DNM3: variants seen among roughly 807,000 people sequenced by gnomAD.
The protein encoded by DNM3 is dynamin 3, also known as dynamin-3.
In DNM3, 47 loss-of-function variants were observed where a neutral mutation model predicts 101.6. The ratio of observed to expected loss-of-function variants is 0.46; its 90% CI spans 0.37 to 0.59. The LOEUF (loss-of-function observed/expected upper bound fraction) is 0.59. Among genes scored for constraint, DNM3 ranks in the 20% least tolerant of loss-of-function variants. The pLI is 0.00. For missense variants in DNM3, 849 were observed against 1,085.7 expected (o/e 0.78, Z 3.06); for synonymous variants, 385 against 387.9 (o/e 0.99, Z 0.09).
chr1:172,342,172 A>T (rs1483079858), intron 17 of DNM3, among the ~76,000 whole-genome samples: 2 of 152,234 alleles, frequency 1.3e-5, no homozygotes, highest in Non-Finnish European at 1.5e-5. Context: ...AATGTAAATT[A>T]GTTCAACCAT....
rs1234193701 is a variant in DNM3, at chr1:172,395,720, T to C, written c.2522+6911T>C. ...GACATTGAAATCCTTTAGCTTACCATTGCCAATGTATTGTAAGTGTTGTCG... is the reference window on the plus strand; with the variant it reads ...GACATTGAAATCCTTTAGCTTACCACTGCCAATGTATTGTAAGTGTTGTCG... On this transcript the variant is annotated intron_variant, in intron 20 of 20. Transcript: ENST00000627582. Among the ~76,000 whole-genome samples the C allele has an allele frequency of 3.9e-5, 6 of 152,346 alleles. No individual in the cohort carries two copies. In the South Asian group the frequency reaches 1.2e-3, roughly 32 times the overall value.
At chr1:172,190,774 G>T (rs2059689003) in intron 14 of DNM3, among the ~76,000 whole-genome samples, 1 of 152,190 alleles carries the variant, frequency 6.6e-6, no homozygotes, top group Admixed American at 6.5e-5. Context: ...CAGTGATGAT[G>T]AGCATTTTTT....
chr1:172,087,342 C>T (rs1034533485), intron 12 of DNM3, among the ~76,000 whole-genome samples: 7 of 152,104 alleles, frequency 4.6e-5, no homozygotes, highest in African/African-American at 1.7e-4. Flanking sequence ...CTGCATTATT[C>T]CTAATGGATC....
intron 4 of DNM3, among the ~76,000 whole-genome samples, chr1:171,996,429 G>C (rs2046000163): frequency 2.6e-5 from 4 of 152,034 alleles, no homozygotes; most frequent in Non-Finnish European, 5.9e-5. Flanking sequence ...AGTTTTTCTA[G>C]GTAATATATA....
chr1:172,192,377 T>C (rs2059762095), intron 14 of DNM3, among the ~76,000 whole-genome samples: 2 of 151,894 alleles, frequency 1.3e-5, no homozygotes, highest in African/African-American at 2.4e-5. Context: ...CTTTTTTTTT[T>C]TTTCTTTTAT....
intron 15 of DNM3, among the ~76,000 whole-genome samples, chr1:172,303,752 A>G (rs1463304298): frequency 1.3e-5 from 2 of 152,346 alleles, no homozygotes; most frequent in East Asian, 3.9e-4. Flanking sequence ...AGAATTTTCA[A>G]CCCAGAATTT....
At chr1:171,853,755 C>G (rs1291643057) in intron 1 of DNM3, among the ~76,000 whole-genome samples, 1 of 152,172 alleles carries the variant, frequency 6.6e-6, no homozygotes, top group Admixed American at 6.5e-5. Flanking sequence ...CTCACTCTCT[C>G]CATTTCTTAT....
At chr1:172,355,775 G>A (rs12117159) in intron 17 of DNM3, among the ~76,000 whole-genome samples, 4 of 152,070 alleles carry the variant, frequency 2.6e-5, no homozygotes, top group Admixed American at 2.6e-4. Flanking sequence ...AGGACACGAA[G>A]GACAGGCTGT....
intron 4 of DNM3, among the ~76,000 whole-genome samples, chr1:172,020,870 TC>T (rs2047805419): frequency 6.6e-6 from 1 of 152,126 alleles, no homozygotes; most frequent in African/African-American, 2.4e-5. Flanking sequence ...AAAACTCAGG[TC>T]CCTGAAGCTC....
intron 14 of DNM3, among the ~76,000 whole-genome samples, chr1:172,217,952 T>C: frequency 6.6e-6 from 1 of 152,206 alleles, no homozygotes; most frequent in East Asian, 1.9e-4. Flanking sequence ...AATAACATTC[T>C]ATATTTGTTC....
intron 14 of DNM3, among the ~76,000 whole-genome samples, chr1:172,195,597 C>G (rs541485892): frequency 1.3e-5 from 2 of 151,768 alleles, no homozygotes; most frequent in South Asian, 4.2e-4. Flanking sequence ...AAGAAGTTCC[C>G]TTCTATTCTT....
intron 2 of DNM3, among the ~76,000 whole-genome samples, chr1:171,958,760 G>A (rs577836116): frequency 2.9e-4 from 44 of 152,214 alleles, no homozygotes; most frequent in African/African-American, 9.9e-4. Context: ...TGGGGAGGGG[G>A]AGATCAATAA....
intron 10 of DNM3, among the ~76,000 whole-genome samples, chr1:172,064,607 T>C (rs1318375265): frequency 2.0e-5 from 3 of 152,122 alleles, no homozygotes; most frequent in Non-Finnish European, 4.4e-5. Context: ...TAGGACTTTA[T>C]TTTTTAACCT....
chr1:171,965,936 G>A (rs1320117357), intron 2 of DNM3, among the ~76,000 whole-genome samples: 2 of 151,636 alleles, frequency 1.3e-5, no homozygotes, highest in African/African-American at 2.4e-5. Context: ...GTAAACTTAG[G>A]TATGGTTGAA....
At chr1:172,040,495 T>G (rs1185564878) in intron 7 of DNM3, among the ~76,000 whole-genome samples, 1 of 151,868 alleles carries the variant, frequency 6.6e-6, no homozygotes, top group Non-Finnish European at 1.5e-5. Flanking sequence ...TTTTTCGTGT[T>G]TCTTTCTTTC....
At chr1:172,159,568 T>G (rs1374607664) in intron 14 of DNM3, among the ~76,000 whole-genome samples, 1 of 152,088 alleles carries the variant, frequency 6.6e-6, no homozygotes, top group Non-Finnish European at 1.5e-5. Flanking sequence ...GATGTGACTA[T>G]CAATTGTGTA....
At chr1:172,197,979 C>A (rs1195948574) in intron 14 of DNM3, among the ~76,000 whole-genome samples, 1 of 152,022 alleles carries the variant, frequency 6.6e-6, no homozygotes, top group Non-Finnish European at 1.5e-5. Context: ...CATCCTTGTC[C>A]TGTGCCAGTT....
intron 20 of DNM3, among the ~76,000 whole-genome samples, chr1:172,390,576 C>T (rs1029790839): frequency 2.1e-4 from 32 of 152,228 alleles, no homozygotes; most frequent in African/African-American, 7.2e-4. Context: ...TCTGTAGACA[C>T]TCCCAATGTC....
chr1:172,057,976 C>A (rs983275057), intron 10 of DNM3, among the ~76,000 whole-genome samples: 1 of 140,900 alleles, frequency 7.1e-6, no homozygotes, highest in African/African-American at 2.8e-5. Context: ...CACACATAGG[C>A]TCAACATGAA....
Sources: allele counts gnomAD v4.1 joint callset (sites outside exome capture counted in the v4.1 genomes callset), GRCh38; gene constraint gnomAD v4.1.1; transcripts MANE v1.5; gene names NCBI Gene and HGNC (gene_info 2026-07-23, HGNC 2026-07-21).